The following BRSK2 variants were observed in gnomAD, a reference collection of about 807,000 sequenced individuals.
BRSK2 encodes serine/threonine-protein kinase BRSK2.
In BRSK2, 19 loss-of-function variants were observed where a neutral mutation model predicts 83.3. That is an observed-to-expected ratio of 0.23 (90% CI 0.16 to 0.33). BRSK2 has a LOEUF of 0.33. Ranked by LOEUF, BRSK2 falls within the 10% of genes least tolerant of loss-of-function variation. The probability of loss-of-function intolerance (pLI) is 1.00; values close to 1 mark genes in which losing one functional copy is unlikely to be tolerated. For missense variants in BRSK2, 798 were observed against 1,042.3 expected (o/e 0.77, Z 3.23); for synonymous variants, 519 against 435.4 (o/e 1.19, Z -2.39).
intron 1 of BRSK2, among the ~76,000 whole-genome samples, chr11:1,398,907 T>C (rs1193820466): frequency 2.6e-5 from 4 of 152,142 alleles, no homozygotes; most frequent in Non-Finnish European, 4.4e-5. Context: ...CCGCTTATCT[T>C]TGGTGTCTGG....
chr11:1,395,229 G>A (rs1324954943), intron 1 of BRSK2, among the ~76,000 whole-genome samples: 1 of 152,158 alleles, frequency 6.6e-6, no homozygotes, highest in Admixed American at 6.5e-5. Context: ...GCCCTGCACG[G>A]GGTTTCTACA....
chr11:1,436,872 C>T (rs564410192), intron 2 of BRSK2, among the ~76,000 whole-genome samples: 1 of 152,008 alleles, frequency 6.6e-6, no homozygotes, highest in Non-Finnish European at 1.5e-5. Context: ...TGGGAGTGGC[C>T]AAGAGAGGGG....
intron 19 of BRSK2, among the ~76,000 whole-genome samples, 195 bp from the exon 20 acceptor site, chr11:1,460,305 C>T (rs1007013036): frequency 3.3e-5 from 5 of 151,840 alleles, no homozygotes; most frequent in South Asian, 4.2e-4. Flanking sequence ...CGCCTGCCCA[C>T]CCTGCTTGCC....
At chr11:1,437,180 G>A (rs1310740499) in intron 2 of BRSK2, among the ~76,000 whole-genome samples, 1 of 152,012 alleles carries the variant, frequency 6.6e-6, no homozygotes, top group African/African-American at 2.4e-5. Flanking sequence ...GTGCCTGTGA[G>A]CCCCGACTAA....
At chr11:1,442,101 G>T (rs912965122) in intron 4 of BRSK2, among the ~76,000 whole-genome samples, 1 of 150,288 alleles carries the variant, frequency 6.7e-6, no homozygotes, top group Non-Finnish European at 1.5e-5. Context: ...GTGTCGGGAA[G>T]TTTTCTGCCT....
Position 1,450,737 on chromosome 11 carries a change from A to G in BRSK2, c.1438A>G (p.Asn480Asp). Residue 480 changes from asparagine to aspartate, a missense_variant, in exon 14 of 20, where the codon AAC (asparagine) becomes GAC (aspartate). This residue lies in a region of BRSK2 where 455 missense variants were observed against 455.2 expected (regional missense o/e 1.00). Transcript: ENST00000528841. ...VGGVPWRARL[N>D]SIKNSFLGSP... ...AGGGGTGCCCTGGAGGGCGCGGCTC[A>G]ACTCCATCAAGAACAGCTTTCTGGG... The G allele has an allele frequency of 6.3e-7, 1 of 1,599,476 alleles. No homozygotes were observed. The highest frequency in any genetic ancestry group is 8.5e-7 in the Non-Finnish European group (1 of 1,175,700).
rs776121535 is a variant in BRSK2 at position 1,449,852 on chromosome 11, C to A, written c.1287+16C>A. On this transcript the variant is annotated intron_variant, in intron 13 of 19. Transcript: ENST00000528841. ...CAGCCCCCGGGTGAGTGACCCCCCG[C>A]CCCCACCCAGCTCGGATGCACAGAG... The A allele has an allele frequency of 1.9e-6, 3 of 1,595,362 alleles. No homozygotes were observed. Among genetic ancestry groups the A allele is most frequent in the East Asian group, 2.2e-5 (1 of 44,684 alleles).
rs1847608588 is a variant in BRSK2, at chr11:1,462,464, G to A, written c.*1741G>A. On this transcript the variant is annotated 3_prime_UTR_variant, in exon 20 of 20. Coordinates refer to ENST00000528841, the MANE Select transcript of BRSK2 (RefSeq NM_001256627.2). ...GGGATTTCTATACATAAGAACAAAA[G>A]CAAACACCTAGGACAGCAAACGCCA... is the stretch of plus-strand genomic sequence containing the variant. 6.6e-6 allele frequency: 1 copy of A among 152,252 alleles called. No homozygotes were observed. Among genetic ancestry groups the A allele is most frequent in the Admixed American group, 6.5e-5 (1 of 15,288 alleles). 9.4% of individuals were successfully genotyped at this position (152,252 alleles called of 1,614,324 possible). A position where few individuals can be genotyped will look rare whatever the true frequency, so the allele number is the denominator to read the frequency against.
intron 1 of BRSK2, among the ~76,000 whole-genome samples, chr11:1,419,340 C>G (rs1848420865): frequency 2.6e-5 from 4 of 152,240 alleles, no homozygotes; most frequent in Admixed American, 2.6e-4. Context: ...GTGATTCCCT[C>G]TTGGGTGGTG....
chr11:1,452,421 C>CG (rs1488331166), intron 15 of BRSK2, among the ~76,000 whole-genome samples: 1 of 152,246 alleles, frequency 6.6e-6, no homozygotes, highest in Non-Finnish European at 1.5e-5. Flanking sequence ...ATTGCCGTTT[C>CG]TGCTGCTACC....
chr11:1,425,922 C>T (rs1317448825), intron 1 of BRSK2, among the ~76,000 whole-genome samples: 2 of 152,154 alleles, frequency 1.3e-5, no homozygotes, highest in Non-Finnish European at 2.9e-5. Context: ...GCCAGTGCCT[C>T]AGGCCTCTGG....
At chr11:1,397,986 G>A (rs534962506) in intron 1 of BRSK2, among the ~76,000 whole-genome samples, 12 of 152,354 alleles carry the variant, frequency 7.9e-5, no homozygotes, top group East Asian at 5.8e-4. Context: ...TCCCGGCCCC[G>A]GGCAGAGGTG....
rs1368747598 is a variant in BRSK2 at position 1,394,195 on chromosome 11, G to A, written c.91+3820G>A. Among the ~76,000 whole-genome samples the A allele has an allele frequency of 1.2e-3, 145 of 116,898 alleles. 1 individual carries two copies. The highest frequency in any genetic ancestry group is 4.7e-3 in the African/African-American group (132 of 28,116). 76.7% of individuals were successfully genotyped at this position (116,898 alleles called of 152,430 possible). ...CCTGGAGATGGGCCCCTGGAGATGG[G>A]CCATGGAGATGGGTCCTGGAGATGG... On this transcript the variant is annotated intron_variant, in intron 1 of 19. Transcript: ENST00000528841.
At chr11:1,444,499 C>G (rs1455135831) in intron 8 of BRSK2, among the ~76,000 whole-genome samples, 1 of 152,130 alleles carries the variant, frequency 6.6e-6, no homozygotes, top group Non-Finnish European at 1.5e-5. Context: ...GCACCCAGCC[C>G]TGCCCCGCCG....
At chr11:1,427,999 G>T (rs1849449527) in intron 1 of BRSK2, among the ~76,000 whole-genome samples, 1 of 152,308 alleles carries the variant, frequency 6.6e-6, no homozygotes, top group African/African-American at 2.4e-5. Context: ...CTTTACCTAG[G>T]AGGGACGCCT....
At chr11:1,421,378 C>A (rs1262933053) in intron 1 of BRSK2, among the ~76,000 whole-genome samples, 1 of 152,118 alleles carries the variant, frequency 6.6e-6, no homozygotes, top group Non-Finnish European at 1.5e-5. Context: ...CTGGAACAGC[C>A]TAGGGCTGGG....
rs886507769 is a variant in BRSK2 at position 1,460,742 on chromosome 11, CCAGCA to C, written c.*26_*30del. 2.1e-5 allele frequency: 29 copies of C among 1,414,306 alleles called. No homozygotes were observed. Among genetic ancestry groups the C allele is most frequent in the Admixed American group, 2.7e-5 (1 of 37,250 alleles). 87.6% of individuals were successfully genotyped at this position (1,414,306 alleles called of 1,614,324 possible). ...GCCTTAGACACACTAGCCCCCCCCC[CCAGCA>C]CAGCACTGACAGCGGCTGCCTCGCC... On this transcript the variant is annotated 3_prime_UTR_variant, in exon 20 of 20. Transcript: ENST00000528841.
rs117911795 is a variant in BRSK2, at chr11:1,423,504, G to A, written c.92-12536G>A. On this transcript the variant is annotated intron_variant, in intron 1 of 19. Coordinates refer to ENST00000528841, the MANE Select transcript of BRSK2 (RefSeq NM_001256627.2). This position sits in a 1 kb window ranked among gnomAD's most constrained non-coding sequence, Gnocchi z 6.5. ...TTAGGAGGTTCATGATGAAGGATGC[G>A]GCCCACAGTCGTGTGAGCAGAGGAC... 2.1e-3 allele frequency among the ~76,000 whole-genome samples: 323 copies of A among 152,190 alleles called. 1 individual carries two copies. The highest frequency in any genetic ancestry group is 3.8e-3 in the Non-Finnish European group (259 of 67,996).
At chr11:1,402,842 C>G (rs1163732209) in intron 1 of BRSK2, among the ~76,000 whole-genome samples, 1 of 152,166 alleles carries the variant, frequency 6.6e-6, no homozygotes, top group Non-Finnish European at 1.5e-5. Context: ...CGGCGCTGAG[C>G]TCGGCAGAGT....
Sources: gnomAD v4.1 joint callset for allele counts (sites outside exome capture counted in the v4.1 genomes callset) on GRCh38, gnomAD v4.1.1 for gene constraint, gnomAD v4.1.1 regional missense constraint, Gnocchi (gnomAD v3.1) non-coding constraint, MANE v1.5 for transcripts, NCBI Gene and HGNC (gene_info 2026-07-23, HGNC 2026-07-21) for gene names.